Variants in GRIK2 observed in about 807,000 individuals in gnomAD.
The protein encoded by GRIK2 is glutamate ionotropic receptor kainate type subunit 2, also known as glutamate receptor ionotropic, kainate 2.
In GRIK2, 32 loss-of-function variants were observed where a neutral mutation model predicts 100.3. That is an observed-to-expected ratio of 0.32 (90% confidence interval 0.24 to 0.43). The LOEUF is 0.43. GRIK2 is among the 20% of genes least tolerant of loss of function. The pLI is 1.00. For synonymous variants in GRIK2, 417 were observed against 389.4 expected, an observed-to-expected ratio of 1.07 and a Z score of -0.83; for missense variants, 843 against 1,114.9, an observed-to-expected ratio of 0.76 and a Z score of 3.47.
At chr6:101,433,197 C>T (rs569333521) in intron 2 of GRIK2, among the ~76,000 whole-genome samples, 43 of 151,996 alleles carry the variant, frequency 2.8e-4, no homozygotes, top group Non-Finnish European at 2.4e-4. Flanking sequence ...ATCATAGACA[C>T]GAAAAAGTAT....
chr6:101,833,548 A>G (rs1314152660), intron 10 of GRIK2, among the ~76,000 whole-genome samples: 2 of 152,152 alleles, frequency 1.3e-5, no homozygotes, highest in South Asian at 4.1e-4. Context: ...TAACAATGAT[A>G]ATAGATTTAT....
At chr6:101,965,538 A>T (rs1792608362) in intron 14 of GRIK2, among the ~76,000 whole-genome samples, 2 of 126,538 alleles carry the variant, frequency 1.6e-5, no homozygotes, top group Non-Finnish European at 3.1e-5. Context: ...TAGTCTTAAT[A>T]AAAAAAGTAA....
At chr6:101,836,239 T>C (rs2128431134) in intron 10 of GRIK2, among the ~76,000 whole-genome samples, 2 of 152,148 alleles carry the variant, frequency 1.3e-5, no homozygotes, top group South Asian at 4.2e-4. Context: ...TATACTCTTG[T>C]GTATAGAATT....
At chr6:102,011,140 G>A (rs1473431317) in intron 14 of GRIK2, among the ~76,000 whole-genome samples, 1 of 152,100 alleles carries the variant, frequency 6.6e-6, no homozygotes. Flanking sequence ...TTCTAAAATG[G>A]CACCATTTTG....
At position 102,036,223 on chromosome 6, in the gene GRIK2, G is replaced by A. The variant is rs539825907; in HGVS notation, c.2311+657G>A. Reference sequence around the variant, plus strand: ...GTATGAATATGTATATGATGGTGCCGTAAGTAAACACACACACACACACAC... The same window carrying A: ...GTATGAATATGTATATGATGGTGCCATAAGTAAACACACACACACACACAC... On this transcript the variant is annotated intron_variant, in intron 15 of 16. Transcript: ENST00000369134. Among the ~76,000 whole-genome samples the A allele has an allele frequency of 8.7e-5, 10 of 115,330 alleles. No individual in the cohort carries two copies. In the East Asian group the frequency reaches 9.6e-4, roughly 11 times the overall value. The allele number at this position is 115,330 out of a possible 152,430, so 75.7% of individuals were successfully genotyped here.
At chr6:101,734,167 A>G (rs181818516) in intron 7 of GRIK2, among the ~76,000 whole-genome samples, 25 of 152,216 alleles carry the variant, frequency 1.6e-4, no homozygotes, top group African/African-American at 6.0e-4. Flanking sequence ...AAGTTCCCCA[A>G]AGAAACAGTA....
At chr6:101,630,715 C>T (rs1170701872) in intron 4 of GRIK2, among the ~76,000 whole-genome samples, 1 of 152,002 alleles carries the variant, frequency 6.6e-6, no homozygotes, top group African/African-American at 2.4e-5. Flanking sequence ...AGCAAGATGA[C>T]TATTTGATGA....
intron 14 of GRIK2, among the ~76,000 whole-genome samples, chr6:102,020,456 G>C (rs1463224391): frequency 6.6e-6 from 1 of 151,798 alleles, no homozygotes; most frequent in African/African-American, 2.4e-5. Context: ...AAACATCAGG[G>C]TAAGGAGATT....
At chr6:101,587,617 A>G (rs1778442283) in intron 2 of GRIK2, among the ~76,000 whole-genome samples, 2 of 152,174 alleles carry the variant, frequency 1.3e-5, no homozygotes, top group South Asian at 4.1e-4. Flanking sequence ...ATTATGTAAA[A>G]GCAAATTTAA....
chr6:101,926,152 A>G (rs936275506), intron 13 of GRIK2, among the ~76,000 whole-genome samples: 7 of 145,042 alleles, frequency 4.8e-5, no homozygotes, highest in African/African-American at 1.8e-4. Context: ...ATCAGTAGTT[A>G]TATTTTTCCT....
At chr6:101,499,549 C>A (rs1773641712) in intron 2 of GRIK2, among the ~76,000 whole-genome samples, 1 of 151,890 alleles carries the variant, frequency 6.6e-6, no homozygotes, top group Non-Finnish European at 1.5e-5. Context: ...AATTTCCTAC[C>A]TTATCTTTTT....
chr6:101,724,048 C>CAT (rs1774681981), intron 7 of GRIK2, among the ~76,000 whole-genome samples: 1 of 151,594 alleles, frequency 6.6e-6, no homozygotes, highest in Non-Finnish European at 1.5e-5. Flanking sequence ...GGTTGAAGAT[C>CAT]ATATGTTCTG....
intron 7 of GRIK2, among the ~76,000 whole-genome samples, chr6:101,789,126 G>A (rs560164446): frequency 3.5e-4 from 53 of 152,150 alleles, no homozygotes; most frequent in Non-Finnish European, 6.2e-4. Flanking sequence ...AGATGAGTAG[G>A]TTGCGAAAAT....
chr6:101,965,769 A>G (rs2128484128), intron 14 of GRIK2, among the ~76,000 whole-genome samples: 1 of 152,186 alleles, frequency 6.6e-6, no homozygotes, highest in South Asian at 2.1e-4. Context: ...AGTAAATCTC[A>G]AATGAGGTAA....
At chr6:101,544,270 G>A (rs1776134800) in intron 2 of GRIK2, among the ~76,000 whole-genome samples, 1 of 152,104 alleles carries the variant, frequency 6.6e-6, no homozygotes, top group Non-Finnish European at 1.5e-5. Context: ...CTATGCTGGA[G>A]AAAATTAATA....
intron 2 of GRIK2, among the ~76,000 whole-genome samples, chr6:101,558,576 G>C (rs1355021338): frequency 6.6e-6 from 1 of 152,072 alleles, no homozygotes; most frequent in Admixed American, 6.6e-5. Flanking sequence ...ATGTGGTAGG[G>C]GTGGGTGTAT....
chr6:101,673,936 G>A (rs1454082159), intron 4 of GRIK2, among the ~76,000 whole-genome samples: 1 of 152,158 alleles, frequency 6.6e-6, no homozygotes, highest in Non-Finnish European at 1.5e-5. Flanking sequence ...CCAATGTTGA[G>A]AACAATGTTG....
intron 9 of GRIK2, among the ~76,000 whole-genome samples, chr6:101,809,129 A>G (rs1218137768): frequency 2.0e-5 from 3 of 151,826 alleles, no homozygotes; most frequent in African/African-American, 7.2e-5. Flanking sequence ...TTTAACACTT[A>G]TGCTTTTTAA....
chr6:101,994,290 T>C lies in GRIK2; in HGVS notation c.2086-41051T>C, dbSNP rs115610935. Among the ~76,000 whole-genome samples, 310 of 151,618 alleles carry C rather than the reference T, an allele frequency of 2.0e-3. 1 individual carries two copies. The highest frequency in any genetic ancestry group is 7.3e-3 in the African/African-American group (302 of 41,484). ...ACCTTTAACTACATTTCTAGCCTCATTTTATCTTCCTTTGTATTTTTAGTA... is the reference window on the plus strand; with the variant it reads ...ACCTTTAACTACATTTCTAGCCTCACTTTATCTTCCTTTGTATTTTTAGTA... On this transcript the variant is annotated intron_variant, in intron 14 of 16. Transcript: ENST00000369134.
Sources: gnomAD v4.1 joint callset for allele counts (sites outside exome capture counted in the v4.1 genomes callset) on GRCh38, gnomAD v4.1.1 for gene constraint, MANE v1.5 for transcripts, NCBI Gene and HGNC (gene_info 2026-07-23, HGNC 2026-07-21) for gene names.